The following ABCA1 variants were observed in gnomAD, a reference collection of about 807,000 sequenced individuals.
ABCA1 encodes ATP binding cassette subfamily A member 1.
In ABCA1, 133 loss-of-function variants were observed where a neutral mutation model predicts 262.5. The observed-to-expected ratio is 0.51, with a 90% CI of 0.44 to 0.59. The LOEUF is 0.59. Ranked by LOEUF, ABCA1 falls within the 20% of genes least tolerant of loss-of-function variation. ABCA1 has a pLI of 0.00. For synonymous variants in ABCA1, 1,022 were observed against 1,043.5 expected (o/e 0.98, Z 0.40); for missense variants, 2,452 against 2,777.5 (o/e 0.88, Z 2.63).
At chr9:104,899,122 G>C (rs997084397) in intron 2 of ABCA1, among the ~76,000 whole-genome samples, 1 of 152,158 alleles carries the variant, frequency 6.6e-6, no homozygotes, top group Non-Finnish European at 1.5e-5. Flanking sequence ...ATGTCTATTT[G>C]TTTTAACTTT....
chr9:104,797,871 A>G (rs1350067017), intron 37 of ABCA1, among the ~76,000 whole-genome samples: 1 of 152,226 alleles, frequency 6.6e-6, no homozygotes, highest in Non-Finnish European at 1.5e-5. Flanking sequence ...ACAGGGAGAT[A>G]TATTTCAGGG....
intron 1 of ABCA1, among the ~76,000 whole-genome samples, chr9:104,913,966 AT>A (rs1399522535): frequency 6.7e-6 from 1 of 149,480 alleles, no homozygotes; most frequent in South Asian, 2.1e-4. Context: ...CGCCCGGCTA[AT>A]TTTTTGTATT....
At chr9:104,810,190 C>T (rs1831158474) in intron 29 of ABCA1, among the ~76,000 whole-genome samples, 1 of 144,172 alleles carries the variant, frequency 6.9e-6, no homozygotes. Context: ...TTAAATGCTT[C>T]CCTTTTGTAT....
chr9:104,837,510 A>G lies in ABCA1; in HGVS notation c.1112T>C (p.Ile371Thr), dbSNP rs1194995089. 6.2e-7 allele frequency: 1 copy of G among 1,614,150 alleles called. No homozygotes were observed. Among genetic ancestry groups the G allele is most frequent in the Admixed American group, 1.7e-5 (1 of 60,030 alleles). The change falls in exon 10 of 50, where the codon ATC becomes ACC. Residue 371 changes from isoleucine (I) to threonine (T), a missense_variant. Ile to Thr is a moderately conservative substitution (Grantham distance 89). Coordinates refer to ENST00000374736, the MANE Select transcript of ABCA1 (RefSeq NM_005502.4). Reference protein sequence around the residue: ...NLESSPLSRIIWKALKPLLVG... With the variant: ...NLESSPLSRITWKALKPLLVG... ...GAGCAGCGGCTTCAGAGCTTTCCAG[A>G]TAATGCGGGAAAGAGGACTAGACTC... is the stretch of plus-strand genomic sequence containing the variant.
intron 41 of ABCA1, 24 bp from the exon 42 acceptor site, chr9:104,792,930 T>G: frequency 6.2e-7 from 1 of 1,613,664 alleles, no homozygotes; most frequent in Non-Finnish European, 8.5e-7. Flanking sequence ...ACAAGAAAAA[T>G]GAACCTTTCA....
At chr9:104,925,489 G>A (rs1455891177) in intron 1 of ABCA1, among the ~76,000 whole-genome samples, 1 of 152,108 alleles carries the variant, frequency 6.6e-6, no homozygotes, top group African/African-American at 2.4e-5. Context: ...ACGTGTCCAG[G>A]TTACAGTCAG....
chr9:104,829,248 C>G, intron 14 of ABCA1, 110 bp from the exon 15 acceptor site: 2 of 992,110 alleles, frequency 2.0e-6, no homozygotes, highest in South Asian at 1.4e-5. Context: ...ATCTGGGCCA[C>G]AGAAGGACAG....
chr9:104,814,762 G>A lies in ABCA1; in HGVS notation c.3739-287C>T, dbSNP rs3780539. 1.2e-4 allele frequency among the ~76,000 whole-genome samples: 19 copies of A among 152,318 alleles called. No homozygotes were observed. The East Asian group carries it at 1.9e-3, about 15-fold the overall frequency. On this transcript the variant is annotated intron_variant, in intron 25 of 49. Coordinates refer to ENST00000374736, the MANE Select transcript of ABCA1 (RefSeq NM_005502.4). The stretch of plus-strand genomic sequence containing the variant: ...TATAATCCCAGCACTTTGGGAGGCC[G>A]AGGCGGGCAGATCACCTGAGGTCTG...
chr9:104,926,409 C>T (rs937699196), intron 1 of ABCA1, among the ~76,000 whole-genome samples: 14 of 149,694 alleles, frequency 9.4e-5, no homozygotes, highest in African/African-American at 3.5e-4. Context: ...CAAGAACCTT[C>T]CTGCTTTACC....
intron 11 of ABCA1, among the ~76,000 whole-genome samples, chr9:104,833,254 T>C (rs960413816): frequency 6.6e-6 from 1 of 152,208 alleles, no homozygotes; most frequent in Admixed American, 6.5e-5. Context: ...GAATCACAGC[T>C]CACCGCAGCC....
intron 2 of ABCA1, among the ~76,000 whole-genome samples, chr9:104,890,744 GTGAGCCACTGCAC>G (rs1564258152): frequency 6.6e-6 from 1 of 151,966 alleles, no homozygotes; most frequent in Non-Finnish European, 1.5e-5. Flanking sequence ...GATTACAGGC[GTGAGCCACTGCAC>G]TGAGCCAAAG....
chr9:104,803,451 G>C, intron 32 of ABCA1, 135 bp from the exon 33 acceptor site: 2 of 909,252 alleles, frequency 2.2e-6, no homozygotes, highest in African/African-American at 3.3e-5. Flanking sequence ...TGGCCTTGTA[G>C]GGTTGTGCTA....
intron 1 of ABCA1, among the ~76,000 whole-genome samples, chr9:104,927,219 AAG>A (rs1465850121): frequency 1.6e-4 from 23 of 145,188 alleles, no homozygotes; most frequent in Admixed American, 2.9e-4. Context: ...AAAGAAAAAA[AAG>A]AAAAAGAAAA....
intron 5 of ABCA1, among the ~76,000 whole-genome samples, chr9:104,879,431 C>T (rs200511652): frequency 1.3e-5 from 2 of 152,280 alleles, no homozygotes; most frequent in South Asian, 2.1e-4. Context: ...CCACAGTTAT[C>T]GATGACTGGA....
chr9:104,824,657 TC>T, intron 17 of ABCA1, 79 bp from the exon 18 acceptor site: 1 of 1,496,020 alleles, frequency 6.7e-7, no homozygotes, highest in Non-Finnish European at 9.2e-7. Flanking sequence ...GTCCATTTCC[TC>T]CTTGACACAT....
At chr9:104,794,610 T>C (rs2118870124) in intron 39 of ABCA1, 100 bp from the exon 40 acceptor site, 1 of 1,423,138 alleles carries the variant, frequency 7.0e-7, no homozygotes, top group Non-Finnish European at 9.5e-7. Context: ...TTCTGAAATA[T>C]GGGAGTGAAG....
intron 1 of ABCA1, among the ~76,000 whole-genome samples, chr9:104,913,990 G>A (rs546506259): frequency 9.6e-4 from 146 of 151,674 alleles, no homozygotes; most frequent in African/African-American, 3.3e-3. Context: ...TAGTAGAGAC[G>A]GGGTTTCGCC....
chr9:104,840,617 T>C, intron 8 of ABCA1, 98 bp from the exon 9 acceptor site: 1 of 1,237,764 alleles, frequency 8.1e-7, no homozygotes, highest in Non-Finnish European at 1.1e-6. Flanking sequence ...TCTTATTTTC[T>C]TGACCTCTCA....
intron 7 of ABCA1, among the ~76,000 whole-genome samples, chr9:104,848,444 CT>C (rs1835083203): frequency 6.6e-6 from 1 of 151,972 alleles, no homozygotes. Context: ...GCGAAACCCC[CT>C]CTCTACTAAA....
Sources: gnomAD v4.1 joint callset for allele counts (sites outside exome capture counted in the v4.1 genomes callset) on GRCh38, gnomAD v4.1.1 for gene constraint, MANE v1.5 for transcripts, NCBI Gene and HGNC (gene_info 2026-07-23, HGNC 2026-07-21) for gene names.